Variants in PIN4 observed in about 807,000 individuals in gnomAD.
PIN4 encodes the protein peptidyl-prolyl cis-trans isomerase NIMA-interacting 4.
In PIN4, 3 loss-of-function variants were observed where a neutral mutation model predicts 8.3. The observed-to-expected ratio is 0.36, with a 90% CI of 0.16 to 0.93. PIN4 has a LOEUF of 0.93. Among genes scored for constraint, PIN4 ranks in the 40% least tolerant of loss-of-function variants. The pLI is 0.44. For missense variants in PIN4, 75 were observed against 100.6 expected (o/e 0.75, Z 1.09); for synonymous variants, 18 against 32.5 (o/e 0.55, Z 1.52).
intron 3 of PIN4, among the ~76,000 whole-genome samples, chrX:72,228,749 G>GT (rs1176754011): frequency 5.0e-4 from 54 of 108,190 alleles, no homozygotes; most frequent in Middle Eastern, 4.8e-3. Flanking sequence ...CTTTTTGCTT[G>GT]TTTTTTTTTC....
chrX:72,250,352 C>T (rs776163196), intron 3 of PIN4, among the ~76,000 whole-genome samples: 1 of 110,502 alleles, frequency 9.0e-6, no homozygotes, highest in East Asian at 2.8e-4. Context: ...GTCCCAGCTA[C>T]TCAGGTGGCT....
rs2042844691 is a variant in PIN4 at position 72,210,147 on chromosome X, C to T, written c.312+13243C>T. On this transcript the variant is annotated intron_variant, in intron 3 of 3. Transcript: ENST00000423432. ...TTGGGAGGCCAAGGCAGGAGGATCG[C>T]TTGAGGTCAGGAGTTTAAGACTAGC... Among the ~76,000 whole-genome samples, 3 of 107,654 alleles carry T rather than the reference C, an allele frequency of 2.8e-5. No individual in the cohort carries two copies. The Admixed American group carries it at 3.1e-4, about 11-fold the overall frequency. The allele number at this position is 107,654 out of a possible 115,157, so 93.5% of individuals were successfully genotyped here. A position where few individuals can be genotyped will look rare whatever the true frequency, so the allele number is the denominator to read the frequency against.
intron 3 of PIN4, among the ~76,000 whole-genome samples, chrX:72,217,866 C>CG (rs935402688): frequency 1.8e-5 from 2 of 112,263 alleles, no homozygotes; most frequent in African/African-American, 6.5e-5. Context: ...TGATCTATAT[C>CG]TATACTTATG....
At chrX:72,203,909 C>T (rs1222052146) in intron 3 of PIN4, among the ~76,000 whole-genome samples, 1 of 111,887 alleles carries the variant, frequency 8.9e-6, no homozygotes, top group Admixed American at 9.5e-5. Flanking sequence ...GCAAGGGAAC[C>T]AAACTCCTTT....
intron 1 of PIN4, among the ~76,000 whole-genome samples, chrX:72,183,071 T>C (rs2042682139): frequency 9.0e-6 from 1 of 111,479 alleles, no homozygotes; most frequent in Non-Finnish European, 1.9e-5. Context: ...TGTGAAATAG[T>C]CAAGACTTGG....
At chrX:72,255,273 AAATAATAAT>A (rs760269851) in intron 3 of PIN4, among the ~76,000 whole-genome samples, 81 of 96,376 alleles carry the variant, frequency 8.4e-4, no homozygotes, top group South Asian at 3.2e-3. Context: ...CCATCTCTAA[AAATAATAAT>A]AATAATAATA....
intron 3 of PIN4, among the ~76,000 whole-genome samples, chrX:72,219,553 A>T (rs1337557928): frequency 9.2e-6 from 1 of 108,123 alleles, no homozygotes; most frequent in African/African-American, 3.4e-5. Flanking sequence ...GCCTCAAAAA[A>T]TATAAATAAA....
intron 3 of PIN4, among the ~76,000 whole-genome samples, chrX:72,232,692 C>T (rs2147604257): frequency 9.0e-6 from 1 of 111,347 alleles, no homozygotes; most frequent in African/African-American, 3.3e-5. Flanking sequence ...CACCTGTAAT[C>T]CCAGCTACTC....
downstream of PIN4, among the ~76,000 whole-genome samples, chrX:72,201,969 A>G (rs768450239): frequency 8.9e-6 from 1 of 112,805 alleles, no homozygotes. Context: ...AATATCCCCT[A>G]GAGGATTCCA....
At chrX:72,234,815 A>C (rs2043006814) in intron 3 of PIN4, among the ~76,000 whole-genome samples, 1 of 111,401 alleles carries the variant, frequency 9.0e-6, no homozygotes, top group African/African-American at 3.3e-5. Flanking sequence ...GCTTCTATCA[A>C]CCCAGTGAAA....
chrX:72,225,455 G>A, intron 3 of PIN4, among the ~76,000 whole-genome samples: 1 of 111,704 alleles, frequency 9.0e-6, no homozygotes, highest in Non-Finnish European at 1.9e-5. Context: ...GCAGGTACCA[G>A]GTGTCCAAAA....
chrX:72,238,781 G>T lies in PIN4; in HGVS notation c.313-23926G>T, dbSNP rs1162640386. ...TTCGGGTCCCCAGGAGGATCCGGGGGCCACCCCACCTCCACCCTGGGCCAG... is the reference window on the plus strand; with the variant it reads ...TTCGGGTCCCCAGGAGGATCCGGGGTCCACCCCACCTCCACCCTGGGCCAG... On this transcript the variant is annotated intron_variant, in intron 3 of 3. Transcript: ENST00000423432. 7.5e-6 allele frequency: 8 copies of T among 1,068,406 alleles called. No homozygotes were observed. In the Admixed American group the frequency reaches 2.1e-4, roughly 28 times the overall value. The allele number at this position is 1,068,406 out of a possible 1,213,427, so 88.0% of individuals were successfully genotyped here.
intron 3 of PIN4, chrX:72,238,703 C>A: frequency 1.9e-6 from 1 of 515,017 alleles, no homozygotes; most frequent in Non-Finnish European, 3.2e-6. Flanking sequence ...GACTCCCACA[C>A]CCTACTGCGA....
At chrX:72,193,702 C>G (rs985669023) in intron 2 of PIN4, among the ~76,000 whole-genome samples, 1 of 110,680 alleles carries the variant, frequency 9.0e-6, no homozygotes, top group Non-Finnish European at 1.9e-5. Flanking sequence ...GAAACCCTGT[C>G]TCTACAAAAA....
At chrX:72,236,290 C>T (rs1377851693) in intron 3 of PIN4, among the ~76,000 whole-genome samples, 1 of 111,237 alleles carries the variant, frequency 9.0e-6, no homozygotes, top group Non-Finnish European at 1.9e-5. Context: ...TTCATCTCTA[C>T]AAAAATCTTT....
At chrX:72,188,204 G>A (rs1487875719) in intron 2 of PIN4, among the ~76,000 whole-genome samples, 1 of 112,278 alleles carries the variant, frequency 8.9e-6, no homozygotes, top group Non-Finnish European at 1.9e-5. Flanking sequence ...CTATGTCTGG[G>A]CTTAAATGAG....
At chrX:72,257,506 A>G (rs1044924421) in intron 3 of PIN4, among the ~76,000 whole-genome samples, 1 of 111,452 alleles carries the variant, frequency 9.0e-6, no homozygotes, top group African/African-American at 3.3e-5. Context: ...TGTAACCCAG[A>G]TGAAAGCTGA....
intron 3 of PIN4, among the ~76,000 whole-genome samples, chrX:72,259,647 T>C (rs2043129082): frequency 9.2e-6 from 1 of 108,438 alleles, no homozygotes; most frequent in Non-Finnish European, 1.9e-5. Context: ...GGGGTGTGAA[T>C]TGACTTGCCC....
chrX:72,182,044 T>A (rs1178988097), intron 1 of PIN4: 1 of 436,947 alleles, frequency 2.3e-6, no homozygotes, highest in Non-Finnish European at 4.1e-6. Context: ...TCGGAGGCGA[T>A]GACTTAGGGC....
Sources: allele counts gnomAD v4.1 joint callset (sites outside exome capture counted in the v4.1 genomes callset), GRCh38; gene constraint gnomAD v4.1.1; transcripts MANE v1.5; gene names NCBI Gene and HGNC (gene_info 2026-07-23, HGNC 2026-07-21).